ATP2B2: variants seen among roughly 807,000 people sequenced by gnomAD.
ATP2B2 encodes the protein ATPase plasma membrane Ca2+ transporting 2, also known as plasma membrane calcium-transporting ATPase 2.
In ATP2B2, 15 loss-of-function variants were observed where a neutral mutation model predicts 120.0. The ratio of observed to expected loss-of-function variants is 0.12; its 90% CI spans 0.08 to 0.19. The LOEUF is 0.19. ATP2B2 is among the 10% of genes least tolerant of loss of function. The probability of loss-of-function intolerance (pLI) is 1.00; values close to 1 mark genes in which losing one functional copy is unlikely to be tolerated. For synonymous variants in ATP2B2, 694 were observed against 700.3 expected (o/e 0.99, Z 0.14); for missense variants, 1,045 against 1,719.8 (o/e 0.61, Z 6.94).
intron 22 of ATP2B2, among the ~76,000 whole-genome samples, chr3:10,337,769 G>A (rs1001541913): frequency 3.3e-5 from 5 of 152,056 alleles, no homozygotes; most frequent in African/African-American, 1.2e-4. Context: ...CGCCCTGGGG[G>A]ACCCTGGGCG....
At position 10,610,118 on chromosome 3, in the gene ATP2B2, T is replaced by A. The variant is rs147080342; in HGVS notation, c.-415+9799A>T. 2.9e-3 allele frequency among the ~76,000 whole-genome samples: 401 copies of A among 137,152 alleles called. 1 individual carries two copies. Among genetic ancestry groups the A allele is most frequent in the African/African-American group, 0.012 (383 of 33,214 alleles). 90.0% of individuals were successfully genotyped at this position (137,152 alleles called of 152,430 possible). A position where few individuals can be genotyped will look rare whatever the true frequency, so the allele number is the denominator to read the frequency against. On this transcript the variant is annotated intron_variant, in intron 2 of 21. Coordinates refer to the ATP2B2 transcript ENST00000646379. ...ACACACACACATATATACACATATA[T>A]GCATAAATATATATATACATGTATA...
intron 6 of ATP2B2, among the ~76,000 whole-genome samples, chr3:10,386,730 C>T (rs900732509): frequency 4.6e-5 from 7 of 152,184 alleles, no homozygotes; most frequent in African/African-American, 1.7e-4. Context: ...CCATGCTGCT[C>T]ATGGTGGCCT....
At position 10,453,640 on chromosome 3, in the gene ATP2B2, G is replaced by A. The variant is rs148602796; in HGVS notation, c.-319-3778C>T. On this transcript the variant is annotated intron_variant, in intron 1 of 22. Coordinates refer to ENST00000360273, the MANE Select transcript of ATP2B2 (RefSeq NM_001001331.4). ...AATCCACAAGGGACTTTCTAAACCC[G>A]AGCTGCTGTTTTCTATCTGTGCCTG... is the stretch of plus-strand genomic sequence containing the variant. Among the ~76,000 whole-genome samples the A allele has an allele frequency of 1.8e-4, 27 of 152,304 alleles. 2 individuals are homozygous for A. Among genetic ancestry groups the A allele is most frequent in the Admixed American group, 1.2e-3 (18 of 15,304 alleles).
At chr3:10,477,262 C>T (rs1357380984) in intron 1 of ATP2B2, among the ~76,000 whole-genome samples, 1 of 152,164 alleles carries the variant, frequency 6.6e-6, no homozygotes, top group African/African-American at 2.4e-5. Context: ...AAAATCATTC[C>T]CTACTTCTAG....
chr3:10,340,744 T>C lies in ATP2B2; in HGVS notation c.2918-40A>G. 1.9e-6 allele frequency: 3 copies of C among 1,607,574 alleles called. No individual in the cohort carries two copies. The highest frequency in any genetic ancestry group is 1.7e-6 in the Non-Finnish European group (2 of 1,174,844). ...AGTGGGGCTGGGCTGAAGGCAGTGG[T>C]GGGGGAATCAGAGGGGAGATGCCTG... is the stretch of plus-strand genomic sequence containing the variant. On this transcript the variant is annotated intron_variant, in intron 19 of 22. Transcript: ENST00000360273. The surrounding 1 kb of genome is among the most constrained non-coding windows in gnomAD (Gnocchi z 5.0).
intron 2 of ATP2B2, among the ~76,000 whole-genome samples, chr3:10,593,874 AAACC>A (rs200342680): frequency 0.14 from 20,588 of 152,116 alleles, 1,581 homozygotes; most frequent in East Asian, 0.33. Context: ...ACAAGAAAAA[AAACC>A]AAACAACTCC....
At chr3:10,331,659 A>G (rs1276593697) in intron 22 of ATP2B2, among the ~76,000 whole-genome samples, 2 of 20,280 alleles carry the variant, frequency 9.9e-5, no homozygotes, top group African/African-American at 4.3e-4. Flanking sequence ...AAACTATGGG[A>G]AAAAAAAAAA....
At position 10,534,898 on chromosome 3, in the gene ATP2B2, G is replaced by T. The variant is rs1403193128; in HGVS notation, c.-414-765C>A. The stretch of plus-strand genomic sequence containing the variant: ...CTCAATCCATTTATTCATTTATTTG[G>T]TTTTTTTTTTTTTTTTTTTTTTTGA... On this transcript the variant is annotated intron_variant, in intron 2 of 21. Coordinates refer to the ATP2B2 transcript ENST00000646379. Among the ~76,000 whole-genome samples, 51 of 87,740 alleles carry T rather than the reference G, an allele frequency of 5.8e-4. 1 individual carries two copies. In the East Asian group the frequency reaches 9.6e-3, roughly 17 times the overall value. The allele number at this position is 87,740 out of a possible 152,430, so 57.6% of individuals were successfully genotyped here.
intron 1 of ATP2B2, among the ~76,000 whole-genome samples, chr3:10,475,093 G>C (rs2065152790): frequency 1.3e-5 from 2 of 152,272 alleles, no homozygotes; most frequent in Non-Finnish European, 2.9e-5. Context: ...GGTTAAGAGA[G>C]GGAGGAGGTG....
intron 1 of ATP2B2, among the ~76,000 whole-genome samples, chr3:10,629,303 C>CTGTAGATTTTGCG (rs2069796915): frequency 8.5e-5 from 13 of 152,200 alleles, no homozygotes; most frequent in Non-Finnish European, 1.6e-4. Flanking sequence ...CCTCTGCACA[C>CTGTAGATTTTGCG]GTCTACAAAT....
chr3:10,672,836 C>T (rs77373254), intron 1 of ATP2B2, among the ~76,000 whole-genome samples: 51 of 152,346 alleles, frequency 3.3e-4, no homozygotes, highest in African/African-American at 1.2e-3. Context: ...TCTCTAACAA[C>T]AGAGGAATCT....
chr3:10,666,872 AAC>A (rs2070953063), intron 1 of ATP2B2, among the ~76,000 whole-genome samples: 1 of 152,148 alleles, frequency 6.6e-6, no homozygotes, highest in Non-Finnish European at 1.5e-5. Flanking sequence ...CCCTTTCAGG[AAC>A]ACAGTGTTCT....
chr3:10,576,337 G>A (rs762339630), intron 2 of ATP2B2, among the ~76,000 whole-genome samples: 7 of 152,212 alleles, frequency 4.6e-5, no homozygotes, highest in Non-Finnish European at 8.8e-5. Context: ...TGCTTAGGCC[G>A]AGTGTACGGT....
intron 1 of ATP2B2, among the ~76,000 whole-genome samples, chr3:10,648,012 G>C (rs543007936): frequency 4.6e-5 from 7 of 152,352 alleles, no homozygotes; most frequent in African/African-American, 1.4e-4. Context: ...AGAGAAAGTG[G>C]AGGACTGGCA....
chr3:10,644,952 G>T (rs2070283864), intron 1 of ATP2B2, among the ~76,000 whole-genome samples: 1 of 152,158 alleles, frequency 6.6e-6, no homozygotes, highest in African/African-American at 2.4e-5. Flanking sequence ...TAATTTTATA[G>T]AATGTATAAA....
chr3:10,614,573 C>T (rs189252341), intron 2 of ATP2B2, among the ~76,000 whole-genome samples: 26 of 152,260 alleles, frequency 1.7e-4, no homozygotes, highest in Admixed American at 1.7e-3. Context: ...AGTCTCGTGA[C>T]TTGGGTTTTA....
chr3:10,368,334 G>A (rs1377228340), intron 12 of ATP2B2, among the ~76,000 whole-genome samples: 2 of 152,090 alleles, frequency 1.3e-5, no homozygotes, highest in East Asian at 1.9e-4. Context: ...CTGGATCCAA[G>A]GCCAACTTCC....
At chr3:10,458,413 A>G (rs2064355197) in intron 1 of ATP2B2, among the ~76,000 whole-genome samples, 2 of 151,406 alleles carry the variant, frequency 1.3e-5, no homozygotes, top group Non-Finnish European at 2.9e-5. Context: ...CTCAGTTTTG[A>G]TCTTGGTGTG....
At position 10,638,981 on chromosome 3, in the gene ATP2B2, A is replaced by G. The variant is rs1272849509; in HGVS notation, c.-459-19020T>C. ...GCAAATATTGATGGAAAACAAGAGAACTAGAGAAATTCACAATCATCGTTG... is the reference window on the plus strand; with the variant it reads ...GCAAATATTGATGGAAAACAAGAGAGCTAGAGAAATTCACAATCATCGTTG... On this transcript the variant is annotated intron_variant, in intron 1 of 21. Coordinates refer to the ATP2B2 transcript ENST00000646379. Among the ~76,000 whole-genome samples, 20 of 152,226 alleles carry G rather than the reference A, an allele frequency of 1.3e-4. 1 individual carries two copies. Among genetic ancestry groups the G allele is most frequent in the Admixed American group, 1.3e-3 (20 of 15,286 alleles).
Sources: allele counts gnomAD v4.1 joint callset (sites outside exome capture counted in the v4.1 genomes callset), GRCh38; gene constraint gnomAD v4.1.1; non-coding constraint Gnocchi (gnomAD v3.1); transcripts MANE v1.5; gene names NCBI Gene and HGNC (gene_info 2026-07-23, HGNC 2026-07-21).